FRAS1: variants seen among roughly 807,000 people sequenced by gnomAD.
FRAS1 encodes Fraser extracellular matrix complex subunit 1.
FRAS1 carries 290 observed loss-of-function variants against 435.2 expected under a neutral mutation model. The ratio of observed to expected loss-of-function variants is 0.67; its 90% CI spans 0.61 to 0.73. FRAS1 has a LOEUF of 0.73. Among genes scored for constraint, FRAS1 ranks in the 30% least tolerant of loss-of-function variants. FRAS1 has a pLI of 0.00. For missense variants in FRAS1, 4,860 were observed against 5,001.5 expected (o/e 0.97, Z 0.85); for synonymous variants, 1,800 against 1,851.0 (o/e 0.97, Z 0.71).
intron 73 of FRAS1, 124 bp downstream of exon 73, chr4:78,539,564 A>G: frequency 1.0e-6 from 1 of 980,930 alleles, no homozygotes; most frequent in Non-Finnish European, 1.5e-6. Flanking sequence ...TCTTGCTGGC[A>G]GATCTTTTCT....
intron 3 of FRAS1, among the ~76,000 whole-genome samples, chr4:78,238,582 T>C (rs2110116094): frequency 6.6e-6 from 1 of 152,232 alleles, no homozygotes; most frequent in East Asian, 1.9e-4. Flanking sequence ...TGCATGAGTG[T>C]ATTCCTGAGA....
At chr4:78,094,104 GTTTTTTTT>G (rs71214395) in intron 2 of FRAS1, among the ~76,000 whole-genome samples, 15 of 106,632 alleles carry the variant, frequency 1.4e-4, no homozygotes, top group East Asian at 9.6e-4. Context: ...GAATAACCAA[GTTTTTTTT>G]TTTTTTTTTT....
intron 2 of FRAS1, among the ~76,000 whole-genome samples, chr4:78,196,201 G>T (rs374721062): frequency 6.6e-6 from 1 of 151,996 alleles, no homozygotes; most frequent in Non-Finnish European, 1.5e-5. Context: ...TAGAGATGGG[G>T]TTTCACCGTG....
chr4:78,518,335 ACAAAAGAAAAATATAAGTCC>A (rs1281593316), intron 66 of FRAS1, among the ~76,000 whole-genome samples: 1 of 150,980 alleles, frequency 6.6e-6, no homozygotes, highest in Admixed American at 6.6e-5. Flanking sequence ...GTATTTTCAA[ACAAAAGAAAAATATAAGTCC>A]CATAGTATAT....
chr4:78,298,501 T>A (rs1201304718), intron 14 of FRAS1, among the ~76,000 whole-genome samples: 1 of 152,124 alleles, frequency 6.6e-6, no homozygotes, highest in East Asian at 1.9e-4. Flanking sequence ...CTGTTGTGTC[T>A]GGCCATGGAA....
intron 35 of FRAS1, among the ~76,000 whole-genome samples, chr4:78,427,135 A>T (rs112738757): frequency 0.019 from 2,961 of 152,328 alleles, 97 homozygotes; most frequent in African/African-American, 0.067. Context: ...CTCTGCCCTC[A>T]TGAATGGTTT....
intron 5 of FRAS1, 110 bp downstream of exon 5, chr4:78,252,661 T>C: frequency 9.2e-7 from 1 of 1,082,058 alleles, no homozygotes; most frequent in African/African-American, 1.6e-5. Flanking sequence ...TTTCCCTAAA[T>C]GTTGGCTGGT....
At chr4:78,189,524 A>G (rs1305415253) in intron 2 of FRAS1, among the ~76,000 whole-genome samples, 2 of 152,246 alleles carry the variant, frequency 1.3e-5, no homozygotes, top group African/African-American at 2.4e-5. Flanking sequence ...ATGTGTTTCT[A>G]TCATCCCAAG....
chr4:78,058,124 G>C, intron 1 of FRAS1, 39 bp downstream of exon 1: 2 of 1,546,718 alleles, frequency 1.3e-6, no homozygotes, highest in Non-Finnish European at 1.8e-6. Flanking sequence ...GTGTGTGCGT[G>C]TGCGTGTGTG....
chr4:78,533,505 T>C (rs1721787114), intron 70 of FRAS1, among the ~76,000 whole-genome samples: 1 of 152,240 alleles, frequency 6.6e-6, no homozygotes, highest in East Asian at 1.9e-4. Context: ...GCAAAAATAT[T>C]GCTCTTCCTT....
intron 35 of FRAS1, among the ~76,000 whole-genome samples, chr4:78,426,494 G>T (rs566721748): frequency 6.6e-6 from 1 of 152,232 alleles, no homozygotes; most frequent in Non-Finnish European, 1.5e-5. Flanking sequence ...TTGTGAGAGA[G>T]AATTTTAAAT....
intron 13 of FRAS1, among the ~76,000 whole-genome samples, chr4:78,285,439 T>TC (rs1254941974): frequency 2.0e-5 from 3 of 151,110 alleles, no homozygotes; most frequent in Non-Finnish European, 4.4e-5. Context: ...ATATTCTTTT[T>TC]TTTTTTATTT....
intron 2 of FRAS1, among the ~76,000 whole-genome samples, chr4:78,146,912 A>G (rs778822367): frequency 6.6e-6 from 1 of 152,032 alleles, no homozygotes; most frequent in Non-Finnish European, 1.5e-5. Context: ...TGTTTTCATA[A>G]TTTATTCCTA....
intron 12 of FRAS1, among the ~76,000 whole-genome samples, chr4:78,283,524 A>T (rs1727430088): frequency 6.6e-6 from 1 of 152,224 alleles, no homozygotes; most frequent in Admixed American, 6.5e-5. Context: ...AATTGTTGGC[A>T]GGCACTGGAG....
intron 2 of FRAS1, among the ~76,000 whole-genome samples, chr4:78,182,576 T>G (rs1722064435): frequency 6.6e-6 from 1 of 152,116 alleles, no homozygotes; most frequent in South Asian, 2.1e-4. Flanking sequence ...TGAGGAAATC[T>G]AAGTTAAAAT....
chr4:78,443,746 A>C (rs1302682892), intron 41 of FRAS1, among the ~76,000 whole-genome samples: 1 of 152,244 alleles, frequency 6.6e-6, no homozygotes, highest in African/African-American at 2.4e-5. Flanking sequence ...TTGGAGCTTA[A>C]AGCTTCAGTG....
intron 2 of FRAS1, among the ~76,000 whole-genome samples, chr4:78,214,691 T>G (rs1723675063): frequency 6.6e-6 from 1 of 152,216 alleles, no homozygotes; most frequent in African/African-American, 2.4e-5. Context: ...CAAAGCCAAT[T>G]AATTTACTCA....
chr4:78,245,314 A>C lies in FRAS1; in HGVS notation c.298A>C (p.Lys100Gln). 1 of 1,601,434 alleles carries C rather than the reference A, an allele frequency of 6.2e-7. No homozygotes were observed. Among genetic ancestry groups the C allele is most frequent in the East Asian group, 2.2e-5 (1 of 44,720 alleles). Residue 100 changes from lysine (K) to glutamine (Q), a missense_variant, in exon 4 of 74, where the codon AAA becomes CAA. Lys to Gln is a moderately conservative substitution (Grantham distance 53, BLOSUM62 1). Coordinates refer to ENST00000512123, the MANE Select transcript of FRAS1 (RefSeq NM_025074.7). ...TCCAGGATCTTGCCATCATGAAAAG[A>C]AAATCCATGAGGTAAGTGTTTTCTG... ...RTPGSCHHEK[K>Q]IHEHGTEWAS...
intron 35 of FRAS1, among the ~76,000 whole-genome samples, chr4:78,427,066 A>G (rs562117295): frequency 6.6e-6 from 1 of 152,260 alleles, no homozygotes; most frequent in South Asian, 2.1e-4. Flanking sequence ...TTGAAACTTA[A>G]TCCTCAATGT....
Sources: gnomAD v4.1 joint callset for allele counts (sites outside exome capture counted in the v4.1 genomes callset) on GRCh38, gnomAD v4.1.1 for gene constraint, MANE v1.5 for transcripts, NCBI Gene and HGNC (gene_info 2026-07-23, HGNC 2026-07-21) for gene names.